SIRT5: variants seen among roughly 807,000 people sequenced by gnomAD.
SIRT5 encodes the protein sirtuin 5.
In SIRT5, 26 loss-of-function variants were observed where a neutral mutation model predicts 40.0. That is an observed-to-expected ratio of 0.65 (90% CI 0.48 to 0.90). The LOEUF is 0.90. Ranked by LOEUF, SIRT5 falls within the 40% of genes least tolerant of loss-of-function variation. The pLI, the probability that SIRT5 is intolerant of heterozygous loss-of-function variation, is 0.00. For synonymous variants in SIRT5, 146 were observed against 149.1 expected (o/e 0.98, Z 0.15); for missense variants, 401 against 402.4 (o/e 1.00, Z 0.03).
chr6:13,605,427 G>A (rs891934497), intron 9 of SIRT5: 2 of 985,228 alleles, frequency 2.0e-6, no homozygotes, highest in Admixed American at 6.2e-5. Context: ...ATGGAATAAT[G>A]TTCTCTGCTA....
chr6:13,575,139 G>T lies in SIRT5; in HGVS notation c.-195+395G>T, dbSNP rs143112645. Among the ~76,000 whole-genome samples, 140 of 152,226 alleles carry T rather than the reference G, an allele frequency of 9.2e-4. 1 individual carries two copies. In the Middle Eastern group the frequency reaches 0.01, roughly 11 times the overall value. On this transcript the variant is annotated intron_variant, in intron 1 of 9. Transcript: ENST00000606117. ...TTCGGGGGGAGGCGGCTTGAGGACGGCTCTGGAGCTCAGGCTTGCCCGCGT... is the reference window on the plus strand; with the variant it reads ...TTCGGGGGGAGGCGGCTTGAGGACGTCTCTGGAGCTCAGGCTTGCCCGCGT...
chr6:13,605,177 C>A (rs920238400), intron 9 of SIRT5: 1 of 985,454 alleles, frequency 1.0e-6, no homozygotes, highest in African/African-American at 1.7e-5. Context: ...GGTCAGGGGT[C>A]AGCAAACTAC....
At chr6:13,609,370 A>G (rs916985131) in intron 9 of SIRT5, among the ~76,000 whole-genome samples, 2 of 152,178 alleles carry the variant, frequency 1.3e-5, no homozygotes, top group Non-Finnish European at 2.9e-5. Flanking sequence ...TATTAAAGCA[A>G]TTGGGGGGAG....
At position 13,614,484 on chromosome 6, in the gene SIRT5, A is replaced by C. The variant is rs1363756366; in HGVS notation, c.*2619A>C. 4 of 152,310 alleles carry C rather than the reference A, an allele frequency of 2.6e-5. No homozygotes were observed. Among genetic ancestry groups the C allele is most frequent in the African/African-American group, 9.6e-5 (4 of 41,468 alleles). The allele number at this position is 152,310 out of a possible 1,614,324, so 9.4% of individuals were successfully genotyped here. ...ATGATGAATCACTTAGTGTTGTATA[A>C]TGGATGGGAGGAGAGAAACACAGCG... On this transcript the variant is annotated 3_prime_UTR_variant, in exon 10 of 10. Coordinates refer to ENST00000606117, the MANE Select transcript of SIRT5 (RefSeq NM_012241.5).
At chr6:13,602,018 C>A (rs567300559) in intron 9 of SIRT5, among the ~76,000 whole-genome samples, 2 of 151,952 alleles carry the variant, frequency 1.3e-5, no homozygotes, top group Non-Finnish European at 2.9e-5. Flanking sequence ...AAGAAGATAG[C>A]CTTAAAAAAA....
rs899627549 is a variant in SIRT5, at chr6:13,578,805, C to T, written c.-194-646C>T. Among the ~76,000 whole-genome samples the T allele has an allele frequency of 2.0e-5, 3 of 151,842 alleles. No individual in the cohort carries two copies. In the East Asian group the frequency reaches 5.8e-4, roughly 29 times the overall value. On this transcript the variant is annotated intron_variant, in intron 1 of 9. Coordinates refer to ENST00000606117, the MANE Select transcript of SIRT5 (RefSeq NM_012241.5). ...GGGTGCCCCCCTTTTTCACAGAGAA[C>T]ATACAGGCTTTTAAAAAAAATCTGT... is the stretch of plus-strand genomic sequence containing the variant.
intron 8 of SIRT5, among the ~76,000 whole-genome samples, chr6:13,600,353 A>G (rs965277944): frequency 3.3e-5 from 5 of 152,358 alleles, no homozygotes; most frequent in African/African-American, 9.6e-5. Context: ...CCATCCCTGT[A>G]AAGAATGTTT....
In SIRT5 at chr6:13,599,148, G is replaced by A. The variant is rs201075843; in HGVS notation, c.734G>A (p.Cys245Tyr). 6.2e-7 allele frequency: 1 copy of A among 1,613,856 alleles called. No individual in the cohort carries two copies. The highest frequency in any genetic ancestry group is 8.5e-7 in the Non-Finnish European group (1 of 1,179,872). ...AGAGAGCTCGCCCACTGTGATTTATGTCTAGTGGTGGGTCATGCCCTTCCC... is the reference window on the plus strand; with the variant it reads ...AGAGAGCTCGCCCACTGTGATTTATATCTAGTGGTGGGTCATGCCCTTCCC... ...VDRELAHCDL[C>Y]LVVGTSSVVY... The change falls in exon 8 of 10, where the codon TGT becomes TAT. Residue 245 changes from cysteine to tyrosine, a missense_variant. Coordinates refer to ENST00000606117, the MANE Select transcript of SIRT5 (RefSeq NM_012241.5).
Position 13,605,384 on chromosome 6 carries a change from T to C in SIRT5, c.857+4435T>C. The C allele has an allele frequency of 1.1e-5, 11 of 985,292 alleles. No homozygotes were observed. The South Asian group carries it at 5.2e-4, about 46-fold the overall frequency. The allele number at this position is 985,292 out of a possible 1,614,324, so 61.0% of individuals were successfully genotyped here. A position where few individuals can be genotyped will look rare whatever the true frequency, so the allele number is the denominator to read the frequency against. On this transcript the variant is annotated intron_variant, in intron 9 of 9. Coordinates refer to ENST00000606117, the MANE Select transcript of SIRT5 (RefSeq NM_012241.5). ...GTGGCCCTTTACAGAAAAAGTTTTC[T>C]AACCCCTGCTCTAGGTTACGGAGAA...
intron 1 of SIRT5, among the ~76,000 whole-genome samples, chr6:13,576,558 A>G (rs1052359433): frequency 3.3e-5 from 5 of 152,116 alleles, no homozygotes; most frequent in African/African-American, 1.2e-4. Flanking sequence ...TTTAGATAAG[A>G]GCCCCTTATC....
intron 3 of SIRT5, among the ~76,000 whole-genome samples, chr6:13,587,947 A>G (rs1760296238): frequency 6.6e-6 from 1 of 152,142 alleles, no homozygotes; most frequent in Non-Finnish European, 1.5e-5. Flanking sequence ...TACTTTTATG[A>G]AGGAAGATGG....
chr6:13,611,804 G>A lies in SIRT5; in HGVS notation c.872G>A (p.Gly291Glu), dbSNP rs1311216400. ...TTCTCTTTCAGGTTTCATTTCCAGG[G>A]ACCCTGTGGAACGACTCTTCCTGAA... is the stretch of plus-strand genomic sequence containing the variant. ...ATNRFRFHFQ[G>E]PCGTTLPEAL... The change falls in exon 10 of 10, where the codon GGA (glycine) becomes GAA (glutamate). Residue 291 changes from glycine (G) to glutamate (E), a missense_variant. By Grantham distance (98) the Gly-to-Glu change is moderately conservative. Coordinates refer to ENST00000606117, the MANE Select transcript of SIRT5 (RefSeq NM_012241.5). 1 of 1,613,644 alleles carries A rather than the reference G, an allele frequency of 6.2e-7. No individual in the cohort carries two copies. Among genetic ancestry groups the A allele is most frequent in the East Asian group, 2.2e-5 (1 of 44,868 alleles).
chr6:13,594,598 G>A lies in SIRT5; in HGVS notation c.476-879G>A, dbSNP rs144461269. On this transcript the variant is annotated intron_variant, in intron 5 of 9. Coordinates refer to ENST00000606117, the MANE Select transcript of SIRT5 (RefSeq NM_012241.5). Reference sequence around the variant, plus strand: ...CCCACCCTTCTGACCAAACACGACTGCAGAGGGATGGACACCACATGGGGG... The same window carrying A: ...CCCACCCTTCTGACCAAACACGACTACAGAGGGATGGACACCACATGGGGG... 1.8e-4 allele frequency among the ~76,000 whole-genome samples: 27 copies of A among 152,358 alleles called. No individual in the cohort carries two copies. In the East Asian group the frequency reaches 4.4e-3, roughly 25 times the overall value.
rs1004563983 is a variant in SIRT5 at position 13,613,226 on chromosome 6, T to C, written c.*1361T>C. 2 of 152,340 alleles carry C rather than the reference T, an allele frequency of 1.3e-5. No homozygotes were observed. Among genetic ancestry groups the C allele is most frequent in the African/African-American group, 4.8e-5 (2 of 41,460 alleles). The allele number at this position is 152,340 out of a possible 1,614,324, so 9.4% of individuals were successfully genotyped here. ...CACTTCTTAAGTTATTGCTGTCAGA[T>C]GCATCTGCCATACAGGGTCATTCTC... On this transcript the variant is annotated 3_prime_UTR_variant, in exon 10 of 10. Transcript: ENST00000606117.
chr6:13,576,405 A>G (rs72827000), intron 1 of SIRT5, among the ~76,000 whole-genome samples: 9,864 of 152,256 alleles, frequency 0.065, 395 homozygotes, highest in Admixed American at 0.14. Flanking sequence ...GGTGGTTAGC[A>G]AAGTTGAGCG....
intron 3 of SIRT5, 72 bp from the exon 4 acceptor site, chr6:13,588,259 A>G (rs1413797757): frequency 6.5e-7 from 1 of 1,544,122 alleles, no homozygotes; most frequent in African/African-American, 1.4e-5. Context: ...AAGTTTCAAG[A>G]TACAGACAAT....
At chr6:13,578,795 T>G (rs1335150555) in intron 1 of SIRT5, among the ~76,000 whole-genome samples, 1 of 152,016 alleles carries the variant, frequency 6.6e-6, no homozygotes, top group African/African-American at 2.4e-5. Flanking sequence ...CCCCCCTTTT[T>G]CACAGAGAAC....
chr6:13,594,777 G>A (rs1002665837), intron 5 of SIRT5, among the ~76,000 whole-genome samples: 13 of 152,222 alleles, frequency 8.5e-5, no homozygotes, highest in African/African-American at 2.9e-4. Flanking sequence ...TGCTCTGCAC[G>A]GCACCAGTTG....
At chr6:13,588,246 G>GTCAAGTT in intron 3 of SIRT5, 85 bp from the exon 4 acceptor site, 1 of 1,503,902 alleles carries the variant, frequency 6.6e-7, no homozygotes. Flanking sequence ...TTCACACTAG[G>GTCAAGTT]TCAAGTTTCA....
Sources: gnomAD v4.1 joint callset for allele counts (sites outside exome capture counted in the v4.1 genomes callset) on GRCh38, gnomAD v4.1.1 for gene constraint, MANE v1.5 for transcripts, NCBI Gene and HGNC (gene_info 2026-07-23, HGNC 2026-07-21) for gene names.